The following UBE2D3 variants were observed in gnomAD, a reference collection of about 807,000 sequenced individuals.
The protein encoded by UBE2D3 is ubiquitin-conjugating enzyme E2 D3.
In UBE2D3, 2 loss-of-function variants were observed where a neutral mutation model predicts 22.8. The observed-to-expected ratio is 0.09, with a 90% CI of 0.04 to 0.28. The LOEUF is 0.28. Ranked by LOEUF, UBE2D3 falls within the 10% of genes least tolerant of loss-of-function variation. UBE2D3 has a pLI of 1.00. For synonymous variants in UBE2D3, 56 were observed against 60.4 expected, an observed-to-expected ratio of 0.93 and a Z score of 0.34; for missense variants, 27 against 182.5, an observed-to-expected ratio of 0.15 and a Z score of 4.91.
upstream of UBE2D3, chr4:102,827,809 G>A (rs1578273994): frequency 3.0e-6 from 3 of 986,346 alleles, no homozygotes; most frequent in African/African-American, 1.7e-5. Flanking sequence ...GGGGGAGGGT[G>A]AACGAGTGGC....
At position 102,797,198 on chromosome 4, in the gene UBE2D3, C is replaced by T. The variant is rs1725356269; in HGVS notation, c.*217G>A. 1 of 421,044 alleles carries T rather than the reference C, an allele frequency of 2.4e-6. No individual in the cohort carries two copies. The allele number at this position is 421,044 out of a possible 1,614,324, so 26.1% of individuals were successfully genotyped here. A position where few individuals can be genotyped will look rare whatever the true frequency, so the allele number is the denominator to read the frequency against. Reference sequence around the variant, plus strand: ...GTCTTGGGCAACTGTTCTCTTGTAACTACTTTACAGTTTCTAAAAGCAGTT... The same window carrying T: ...GTCTTGGGCAACTGTTCTCTTGTAATTACTTTACAGTTTCTAAAAGCAGTT... On this transcript the variant is annotated 3_prime_UTR_variant, in exon 8 of 8. Transcript: ENST00000453744.
intron 1 of UBE2D3, among the ~76,000 whole-genome samples, chr4:102,844,507 A>G (rs1181604600): frequency 6.6e-6 from 1 of 152,322 alleles, no homozygotes; most frequent in East Asian, 1.9e-4. Context: ...ATTGATCAGG[A>G]AACCAAAATA....
At chr4:102,845,540 T>C (rs1417395085) in intron 1 of UBE2D3, among the ~76,000 whole-genome samples, 20 of 152,200 alleles carry the variant, frequency 1.3e-4, no homozygotes, top group Admixed American at 1.3e-3. Context: ...TCCAGTCTCT[T>C]TCCATCAGTG....
chr4:102,815,912 AAATAGTATCTAATAT>A (rs1431465599), intron 2 of UBE2D3, among the ~76,000 whole-genome samples: 2 of 152,238 alleles, frequency 1.3e-5, no homozygotes, highest in Middle Eastern at 3.2e-3. Flanking sequence ...CTTGCCATTT[AAATAGTATCTAATAT>A]TACTATTTAA....
At chr4:102,829,957 T>C (rs1358804194), upstream of UBE2D3, among the ~76,000 whole-genome samples, 1 of 152,162 alleles carries the variant, frequency 6.6e-6, no homozygotes, top group Non-Finnish European at 1.5e-5. Context: ...CTAATATATA[T>C]GGAGTTCTAG....
At chr4:102,804,117 T>C (rs1005276656) in intron 4 of UBE2D3, among the ~76,000 whole-genome samples, 2 of 151,540 alleles carry the variant, frequency 1.3e-5, no homozygotes, top group African/African-American at 4.9e-5. Context: ...TCTTCCCCCT[T>C]TTTTTTTGTA....
chr4:102,868,054 T>C (rs1369994104), intron 1 of UBE2D3, among the ~76,000 whole-genome samples: 1 of 148,282 alleles, frequency 6.7e-6, no homozygotes, highest in African/African-American at 2.5e-5. Context: ...AAGAAAACCA[T>C]ACATAAGGCT....
At chr4:102,819,448 G>A (rs980157511) in intron 2 of UBE2D3, 4 of 381,850 alleles carry the variant, frequency 1.0e-5, no homozygotes, top group Non-Finnish European at 1.4e-5. Flanking sequence ...GAGCAGCCAT[G>A]TTCCAGGAGC....
At chr4:102,798,964 C>G in intron 7 of UBE2D3, 1 of 1,611,720 alleles carries the variant, frequency 6.2e-7, no homozygotes, top group East Asian at 2.2e-5. Context: ...CACTCTCTTG[C>G]TAACCTATTG....
At chr4:102,823,884 A>G (rs1178934304) in intron 2 of UBE2D3, among the ~76,000 whole-genome samples, 2 of 152,244 alleles carry the variant, frequency 1.3e-5, no homozygotes, top group African/African-American at 4.8e-5. Flanking sequence ...GAATACAGAT[A>G]TATCATAATA....
intron 1 of UBE2D3, among the ~76,000 whole-genome samples, chr4:102,844,657 T>A (rs1731944289): frequency 6.6e-6 from 1 of 152,240 alleles, no homozygotes; most frequent in South Asian, 2.1e-4. Context: ...TTCCCTATTC[T>A]GACCAGTTGT....
upstream of UBE2D3, among the ~76,000 whole-genome samples, chr4:102,830,662 G>GAGACC (rs1731070579): frequency 6.6e-6 from 1 of 152,218 alleles, no homozygotes; most frequent in South Asian, 2.1e-4. Context: ...CCAGGAGTTT[G>GAGACC]AGACCAGCCT....
chr4:102,812,760 G>GA (rs1459740602), intron 2 of UBE2D3: 2 of 152,142 alleles, frequency 1.3e-5, no homozygotes, highest in African/African-American at 4.8e-5. Flanking sequence ...CACTGAAAAA[G>GA]AAAAGAGACT....
chr4:102,863,340 C>T (rs921007593), intron 1 of UBE2D3, among the ~76,000 whole-genome samples: 1 of 152,006 alleles, frequency 6.6e-6, no homozygotes, highest in Non-Finnish European at 1.5e-5. Flanking sequence ...CGTGAGCCAC[C>T]GAGCCCGGCC....
chr4:102,798,316 A>G (rs1299640919), intron 7 of UBE2D3, among the ~76,000 whole-genome samples: 1 of 147,104 alleles, frequency 6.8e-6, no homozygotes, highest in Non-Finnish European at 1.5e-5. Context: ...GAATTTTTAT[A>G]TTGTTTAAAT....
At chr4:102,868,614 G>T in intron 1 of UBE2D3, 1 of 1,472,914 alleles carries the variant, frequency 6.8e-7, no homozygotes, top group Non-Finnish European at 9.5e-7. Flanking sequence ...GTAGGGGGAG[G>T]ATACTCATGG....
chr4:102,860,639 C>T (rs564987352), intron 1 of UBE2D3, among the ~76,000 whole-genome samples: 2 of 151,986 alleles, frequency 1.3e-5, no homozygotes, highest in East Asian at 3.9e-4. Flanking sequence ...GGATTGTGTG[C>T]TTTCTTTCAA....
intron 4 of UBE2D3, among the ~76,000 whole-genome samples, chr4:102,806,753 T>C (rs1399569193): frequency 6.6e-6 from 1 of 152,132 alleles, no homozygotes; most frequent in Non-Finnish European, 1.5e-5. Context: ...CAAGTAAATA[T>C]CAGAGGCAAT....
Position 102,835,001 on chromosome 4 carries a change from ACT to A in UBE2D3, c.-128-8367_-128-8366del, listed in dbSNP as rs756954192. ...CCTTTTCCATCCATCTCCAATCCCC[ACT>A]CTCTCAGGATACCCTGATGGCTCTG... On this transcript the variant is annotated intron_variant, in intron 1 of 7. Coordinates refer to the UBE2D3 transcript ENST00000338145. Among the ~76,000 whole-genome samples, 3 of 151,320 alleles carry A rather than the reference ACT, an allele frequency of 2.0e-5. No individual in the cohort carries two copies. The South Asian group carries it at 6.3e-4, about 32-fold the overall frequency.
Sources: gnomAD v4.1 joint callset for allele counts (sites outside exome capture counted in the v4.1 genomes callset) on GRCh38, gnomAD v4.1.1 for gene constraint, MANE v1.5 for transcripts, NCBI Gene and HGNC (gene_info 2026-07-23, HGNC 2026-07-21) for gene names.